Variants in TBL3 observed in about 807,000 individuals in gnomAD.
TBL3 encodes transducin beta-like protein 3.
Under a neutral mutation model 102.7 loss-of-function variants are expected in TBL3, and 71 were observed. That is an observed-to-expected ratio of 0.69 (90% confidence interval 0.57 to 0.84). The LOEUF (loss-of-function observed/expected upper bound fraction) is 0.84, where lower values mean the gene tolerates loss of function less well. Ranked by LOEUF, TBL3 falls within the 40% of genes least tolerant of loss-of-function variation. TBL3 has a pLI of 0.00. For missense variants in TBL3, 1,188 were observed against 1,098.5 expected (o/e 1.08, Z -1.15); for synonymous variants, 578 against 477.7 (o/e 1.21, Z -2.74).
rs751070717 is a variant in TBL3 at position 1,978,687 on chromosome 16, C to G, written c.*2C>G. On this transcript the variant is annotated 3_prime_UTR_variant, in exon 22 of 22. Coordinates refer to ENST00000568546, the MANE Select transcript of TBL3 (RefSeq NM_006453.3). ...ACCCATAAAGGCGCACTGCCCTAGC[C>G]GGTCCGGCCTCTCTCCAGTCCATCC... 3 of 1,606,262 alleles carry G rather than the reference C, an allele frequency of 1.9e-6. No homozygotes were observed. The highest frequency in any genetic ancestry group is 1.7e-5 in the Admixed American group (1 of 59,784).
At chr16:1,972,481 G>A (rs374042379) in intron 1 of TBL3, among the ~76,000 whole-genome samples, 2 of 152,230 alleles carry the variant, frequency 1.3e-5, no homozygotes, top group South Asian at 2.1e-4. Flanking sequence ...CAGAAGTCCC[G>A]ATGAGGGGAG....
At position 1,980,222 on chromosome 16, in the gene TBL3, G is replaced by A; in HGVS notation, c.*1537G>A. On this transcript the variant is annotated 3_prime_UTR_variant, in exon 22 of 22. Transcript: ENST00000568546. Reference sequence around the variant, plus strand: ...CGTACGAGTGAGAGGTAGGCGGATGGGGAGGGTGAAACTGGGGGCGCCACC... The same window carrying A: ...CGTACGAGTGAGAGGTAGGCGGATGAGGAGGGTGAAACTGGGGGCGCCACC... The A allele has an allele frequency of 6.4e-7, 1 of 1,560,436 alleles. No individual in the cohort carries two copies. Among genetic ancestry groups the A allele is most frequent in the Non-Finnish European group, 8.7e-7 (1 of 1,154,636 alleles).
chr16:1,974,303 C>A lies in TBL3; in HGVS notation c.189+11C>A. ...CGGAGTCTGGAGCAGGTGAGGGCAG[C>A]CTGGGTGGGTGAGGGGCAAGTGGAG... On this transcript the variant is annotated intron_variant, in intron 3 of 21. Transcript: ENST00000568546. 6.3e-7 allele frequency: 1 copy of A among 1,584,916 alleles called. No homozygotes were observed. The highest frequency in any genetic ancestry group is 8.6e-7 in the Non-Finnish European group (1 of 1,162,926).
chr16:1,980,978 G>A lies in TBL3; in HGVS notation c.*2293G>A. ...ATTCGTCCCAACTCCTGCGCACGAA[G>A]GTGTCGCTGCCGTCTGACCAGCGCA... On this transcript the variant is annotated 3_prime_UTR_variant, in exon 22 of 22. Transcript: ENST00000568546. 4 of 1,613,240 alleles carry A rather than the reference G, an allele frequency of 2.5e-6. No homozygotes were observed. Among genetic ancestry groups the A allele is most frequent in the Non-Finnish European group, 3.4e-6 (4 of 1,180,022 alleles).
chr16:1,974,912 T>C lies in TBL3; in HGVS notation c.465-16T>C, dbSNP rs199946243. On this transcript the variant is annotated splice_polypyrimidine_tract_variant and intron_variant, in intron 6 of 21. Transcript: ENST00000568546. ...CAGGCTGCACAGCTCACCCATCCTG[T>C]CCCGTCCGCCCACAGCCTAGTGGCC... The C allele has an allele frequency of 6.2e-7, 1 of 1,612,274 alleles. No homozygotes were observed. Among genetic ancestry groups the C allele is most frequent in the Admixed American group, 1.7e-5 (1 of 60,018 alleles).
intron 18 of TBL3, 28 bp from the exon 19 acceptor site, chr16:1,977,930 T>A: frequency 1.3e-6 from 2 of 1,589,186 alleles, no homozygotes; most frequent in South Asian, 2.3e-5. Context: ...CCAGCGGCCC[T>A]CAGTGGCCTC....
rs936619414 is a variant in TBL3 at position 1,978,911 on chromosome 16, T to G, written c.*226T>G. ...CCCGCGGCTCCGCACGCTTAGACGG[T>G]GGGGGTCATGCAGAACAAGCTTTAC... On this transcript the variant is annotated 3_prime_UTR_variant, in exon 22 of 22. Coordinates refer to ENST00000568546, the MANE Select transcript of TBL3 (RefSeq NM_006453.3). 1 of 1,094,100 alleles carries G rather than the reference T, an allele frequency of 9.1e-7. No homozygotes were observed. Among genetic ancestry groups the G allele is most frequent in the Non-Finnish European group, 1.3e-6 (1 of 773,150 alleles). The allele number at this position is 1,094,100 out of a possible 1,614,324, so 67.8% of individuals were successfully genotyped here.
In TBL3 at chr16:1,981,103, C is replaced by T; in HGVS notation, c.*2418C>T. 1.2e-6 allele frequency: 2 copies of T among 1,612,924 alleles called. No homozygotes were observed. Among genetic ancestry groups the T allele is most frequent in the Non-Finnish European group, 1.7e-6 (2 of 1,179,494 alleles). ...TCCCTTGGGGCCACTAAGGACCCAG[C>T]CAGGTCTTACTTGGAGCCTCTTGAT... On this transcript the variant is annotated 3_prime_UTR_variant, in exon 22 of 22. Transcript: ENST00000568546.
In TBL3 at chr16:1,975,285, G is replaced by C. The variant is rs370637715; in HGVS notation, c.711+23G>C. On this transcript the variant is annotated intron_variant, in intron 8 of 21. Transcript: ENST00000568546. ...GAGGTGGGGATGCCTGGAGGCCAGGGCTGGTTGAGTTGGGTGGGGAGGGGG... is the reference window on the plus strand; with the variant it reads ...GAGGTGGGGATGCCTGGAGGCCAGGCCTGGTTGAGTTGGGTGGGGAGGGGG... 2.5e-6 allele frequency: 4 copies of C among 1,613,878 alleles called. No individual in the cohort carries two copies. In the African/African-American group the frequency reaches 4.0e-5, roughly 16 times the overall value.
Position 1,974,409 on chromosome 16 carries a change from A to G in TBL3, c.223A>G (p.Ser75Gly), listed in dbSNP as rs1854583704. 1.2e-6 allele frequency: 2 copies of G among 1,610,550 alleles called. No homozygotes were observed. Among genetic ancestry groups the G allele is most frequent in the Non-Finnish European group, 1.7e-6 (2 of 1,178,236 alleles). ...GGAGGACATCACTGCCTTTGACCTC[A>G]GCCCTGACAACGAGGTATGTGGGGC... ...DQEDITAFDL[S>G]PDNEVLVTAS... The change falls in exon 4 of 22, where the codon AGC becomes GGC. Residue 75 changes from serine (S) to glycine (G), a missense_variant. Transcript: ENST00000568546.
chr16:1,979,195 T>C lies in TBL3; in HGVS notation c.*510T>C. ...CCCGGCGAAGGTCGGGTGGGCACGG[T>C]GGGGGGAGGGGCGGTGGCCTGGGAG... On this transcript the variant is annotated 3_prime_UTR_variant, in exon 22 of 22. Transcript: ENST00000568546. The C allele has an allele frequency of 7.1e-7, 1 of 1,412,316 alleles. No homozygotes were observed. 87.5% of individuals were successfully genotyped at this position (1,412,316 alleles called of 1,614,324 possible). A position where few individuals can be genotyped will look rare whatever the true frequency, so the allele number is the denominator to read the frequency against.
rs138423539 is a variant in TBL3 at position 1,977,519 on chromosome 16, C to T, written c.1748C>T (p.Ser583Leu). Residue 583 changes from serine to leucine, a missense_variant, in exon 17 of 22, where the codon TCG (serine) becomes TTG (leucine). By Grantham distance (145) the Ser-to-Leu change is moderately radical (BLOSUM62 -2). Transcript: ENST00000568546. ...SRGTQLLSSG[S>L]DGLVKLWTIK... is the part of the protein sequence containing the mutation. ...TCTCCCCACCCCAAACCCAGCGGTT[C>T]GGATGGCCTCGTGAAGCTCTGGACC... is the stretch of plus-strand genomic sequence containing the variant. The T allele has an allele frequency of 8.7e-6, 14 of 1,606,584 alleles. No homozygotes were observed. The highest frequency in any genetic ancestry group is 5.4e-5 in the African/African-American group (4 of 74,764).
chr16:1,974,598 G>A lies in TBL3; in HGVS notation c.298G>A (p.Val100Ile), dbSNP rs771758434. The A allele has an allele frequency of 6.2e-6, 10 of 1,608,496 alleles. No homozygotes were observed. The highest frequency in any genetic ancestry group is 1.7e-4 in the Middle Eastern group (1 of 5,958). Residue 100 changes from valine to isoleucine, a missense_variant, in exon 5 of 22, where the codon GTT becomes ATT. Physicochemically the swap from Val to Ile is conservative, Grantham distance 29. Coordinates refer to ENST00000568546, the MANE Select transcript of TBL3 (RefSeq NM_006453.3). ...TCAGTGGGCCTGGCAAGAGGGCAGC[G>A]TTACCCGCCTGTGGAAGGCGATACA... ...LAQWAWQEGS[V>I]TRLWKAIHTA...
At position 1,980,461 on chromosome 16, in the gene TBL3, G is replaced by A; in HGVS notation, c.*1776G>A. The A allele has an allele frequency of 6.2e-7, 1 of 1,601,966 alleles. No individual in the cohort carries two copies. The highest frequency in any genetic ancestry group is 8.5e-7 in the Non-Finnish European group (1 of 1,179,848). ...CGTGCCACGCGCTCTGCAGTCGCCA[G>A]CAGCCTCCGAGAATAGGTTTCCAAC... On this transcript the variant is annotated 3_prime_UTR_variant, in exon 22 of 22. Transcript: ENST00000568546.
chr16:1,980,072 T>C lies in TBL3; in HGVS notation c.*1387T>C. 1 of 1,607,806 alleles carries C rather than the reference T, an allele frequency of 6.2e-7. No homozygotes were observed. The highest frequency in any genetic ancestry group is 1.1e-5 in the South Asian group (1 of 90,118). ...AAAGGCCTATCCCGCGTGTCCTGGG[T>C]ACAGAAGGGCTGCAGGCAGCGCAGG... is the stretch of plus-strand genomic sequence containing the variant. On this transcript the variant is annotated 3_prime_UTR_variant, in exon 22 of 22. Coordinates refer to ENST00000568546, the MANE Select transcript of TBL3 (RefSeq NM_006453.3).
Position 1,979,870 on chromosome 16 carries a change from G to A in TBL3, c.*1185G>A, listed in dbSNP as rs377615527. 3.2e-6 allele frequency: 5 copies of A among 1,581,294 alleles called. No individual in the cohort carries two copies. Among genetic ancestry groups the A allele is most frequent in the Non-Finnish European group, 4.3e-6 (5 of 1,165,036 alleles). ...CAGGTAGGGCGCTGGAAACCAGGCG[G>A]TCTGCCGGTCTTCGTTCTCCACCAG... On this transcript the variant is annotated 3_prime_UTR_variant, in exon 22 of 22. Transcript: ENST00000568546.
At chr16:1,976,347 G>A (rs369935197) in intron 13 of TBL3, 33 bp downstream of exon 13, 3 of 1,580,166 alleles carry the variant, frequency 1.9e-6, no homozygotes, top group Middle Eastern at 1.7e-4. Flanking sequence ...AGGGGTGTCA[G>A]GGAGGTGGAG....
rs755167520 is a variant in TBL3 at position 1,980,736 on chromosome 16, G to A, written c.*2051G>A. On this transcript the variant is annotated 3_prime_UTR_variant, in exon 22 of 22. Transcript: ENST00000568546. The stretch of plus-strand genomic sequence containing the variant: ...GAAGGTCTCCTTGAGGGTCTTCTGA[G>A]GGCGGGAACCAGGGCATTGGTCTTC... The A allele has an allele frequency of 1.3e-6, 2 of 1,594,000 alleles. No individual in the cohort carries two copies. Among genetic ancestry groups the A allele is most frequent in the Admixed American group, 1.7e-5 (1 of 57,286 alleles).
In TBL3 at chr16:1,978,657, G is replaced by A. The variant is rs1417845624; in HGVS notation, c.2399G>A (p.Trp800Ter). The A allele has an allele frequency of 1.9e-6, 3 of 1,612,300 alleles. No homozygotes were observed. The highest frequency in any genetic ancestry group is 2.5e-6 in the Non-Finnish European group (3 of 1,179,706). ...LPVPAAAPTPWETHKGALP is the reference protein window; with the variant it reads ...LPVPAAAPTP The stretch of plus-strand genomic sequence containing the variant: ...GTGCCGGCCGCCGCCCCCACCCCCT[G>A]GGAAACCCATAAAGGCGCACTGCCC... The change falls in exon 22 of 22, where the codon TGG becomes TAG. Residue 800 changes from tryptophan (W) to a stop codon, truncating the protein, a stop_gained. Coordinates refer to ENST00000568546, the MANE Select transcript of TBL3 (RefSeq NM_006453.3). LOFTEE classifies it low-confidence loss of function (END_TRUNC).
Sources: allele counts gnomAD v4.1 joint callset (sites outside exome capture counted in the v4.1 genomes callset), GRCh38; gene constraint gnomAD v4.1.1; transcripts MANE v1.5; gene names NCBI Gene and HGNC (gene_info 2026-07-23, HGNC 2026-07-21).